Variants in CHRNA9 observed in about 807,000 individuals in gnomAD.
CHRNA9 encodes the protein neuronal acetylcholine receptor subunit alpha-9.
In CHRNA9, 24 loss-of-function variants were observed where a neutral mutation model predicts 36.8. That is an observed-to-expected ratio of 0.65 (90% confidence interval 0.47 to 0.92). The LOEUF (loss-of-function observed/expected upper bound fraction) is 0.92. Ranked by LOEUF, CHRNA9 falls within the 40% of genes least tolerant of loss-of-function variation. The pLI is 0.00. For missense variants in CHRNA9, 610 were observed against 601.2 expected (o/e 1.01, Z -0.15); for synonymous variants, 231 against 231.8 (o/e 1.00, Z 0.03).
chr4:40,354,732 G>T lies in CHRNA9; in HGVS notation c.*212G>T. On this transcript the variant is annotated 3_prime_UTR_variant, in exon 5 of 5. Coordinates refer to ENST00000310169, the MANE Select transcript of CHRNA9 (RefSeq NM_017581.4). Reference sequence around the variant, plus strand: ...CAAGGGTAGGAAGATGGAAGAAATAGGGAAAGAGCCCTTTTATAGCCCACC... The same window carrying T: ...CAAGGGTAGGAAGATGGAAGAAATATGGAAAGAGCCCTTTTATAGCCCACC... 2.0e-6 allele frequency: 1 copy of T among 510,006 alleles called. No individual in the cohort carries two copies. 31.6% of individuals were successfully genotyped at this position (510,006 alleles called of 1,614,324 possible).
chr4:40,347,320 G>A (rs1218006135), intron 3 of CHRNA9, among the ~76,000 whole-genome samples: 1 of 152,102 alleles, frequency 6.6e-6, no homozygotes, highest in Non-Finnish European at 1.5e-5. Flanking sequence ...TTTAACTTAA[G>A]GAAAGGGTCA....
chr4:40,350,722 A>ACACCCACACC (rs1553869915), intron 4 of CHRNA9, among the ~76,000 whole-genome samples: 1 of 151,480 alleles, frequency 6.6e-6, no homozygotes, highest in African/African-American at 2.4e-5. Context: ...ACACACACAC[A>ACACCCACACC]CACACCTCTC....
At chr4:40,339,505 A>AC (rs1712437745) in intron 3 of CHRNA9, among the ~76,000 whole-genome samples, 1 of 151,210 alleles carries the variant, frequency 6.6e-6, no homozygotes, top group Non-Finnish European at 1.5e-5. Context: ...ACATGGTGAA[A>AC]CCCCGTCTCT....
rs760633752 is a variant in CHRNA9, at chr4:40,348,933, T to C, written c.417T>C (p.Tyr139=). The change falls in exon 4 of 5, where the codon TAT becomes TAC. Residue 139 remains tyrosine, a synonymous_variant. Coordinates refer to ENST00000310169, the MANE Select transcript of CHRNA9 (RefSeq NM_017581.4). The part of the protein sequence containing the change: ...EPVNTNVVLR[Y]DGLITWDAPA... Reference sequence around the variant, plus strand: ...TGAACACCAATGTGGTCCTGCGGTATGATGGGCTGATCACCTGGGATGCAC... The same window carrying C: ...TGAACACCAATGTGGTCCTGCGGTACGATGGGCTGATCACCTGGGATGCAC... 44 of 1,614,080 alleles carry C rather than the reference T, an allele frequency of 2.7e-5. No individual in the cohort carries two copies. The highest frequency in any genetic ancestry group is 1.7e-6 in the Non-Finnish European group (2 of 1,180,022).
chr4:40,346,135 T>A (rs1414200386), intron 3 of CHRNA9, among the ~76,000 whole-genome samples: 1 of 152,234 alleles, frequency 6.6e-6, no homozygotes, highest in East Asian at 1.9e-4. Context: ...GGGTTGGGTT[T>A]GGCCAATGTG....
chr4:40,340,254 A>G (rs983709547), intron 3 of CHRNA9, among the ~76,000 whole-genome samples: 2 of 152,012 alleles, frequency 1.3e-5, no homozygotes. Flanking sequence ...ACACTGATTC[A>G]TCATCTCCTT....
chr4:40,346,943 T>TG (rs1340091975), intron 3 of CHRNA9, among the ~76,000 whole-genome samples: 1 of 152,080 alleles, frequency 6.6e-6, no homozygotes, highest in African/African-American at 2.4e-5. Flanking sequence ...CCCGAGTAGC[T>TG]GGGACTACAG....
intron 3 of CHRNA9, among the ~76,000 whole-genome samples, chr4:40,344,200 C>T (rs564038162): frequency 2.8e-4 from 42 of 152,282 alleles, no homozygotes; most frequent in African/African-American, 8.4e-4. Context: ...GGATTTCTGA[C>T]CTCTAGAATT....
Position 40,335,813 on chromosome 4 carries a change from C to G in CHRNA9, c.65-14C>G. On this transcript the variant is annotated splice_polypyrimidine_tract_variant and intron_variant, in intron 1 of 4. Coordinates refer to ENST00000310169, the MANE Select transcript of CHRNA9 (RefSeq NM_017581.4). ...ACACTCTGAATGTTAATCCAGATCC[C>G]TCTTGTTGAGTAGCTGCAGAGACGG... 6.2e-7 allele frequency: 1 copy of G among 1,609,688 alleles called. No individual in the cohort carries two copies. Among genetic ancestry groups the G allele is most frequent in the Non-Finnish European group, 8.5e-7 (1 of 1,177,058 alleles).
At chr4:40,348,102 TG>T (rs1712685085) in intron 3 of CHRNA9, 2 of 152,270 alleles carry the variant, frequency 1.3e-5, no homozygotes, top group African/African-American at 2.4e-5. Context: ...GTGATGCTTT[TG>T]GTCTCTGGAT....
At position 40,349,039 on chromosome 4, in the gene CHRNA9, T is replaced by A. The variant is rs1712718349; in HGVS notation, c.523T>A (p.Ser175Thr). ...CCAGCAGTGCAACCTGACTTTTGGT[T>A]CCTGGACCTACAATGGCAATCAGGT... ...DNQQCNLTFGSWTYNGNQVDI... is the reference protein window; with the variant it reads ...DNQQCNLTFGTWTYNGNQVDI... Residue 175 changes from serine to threonine, a missense_variant, in exon 4 of 5, where the codon TCC (serine) becomes ACC (threonine). Ser to Thr is a moderately conservative substitution (Grantham distance 58). Transcript: ENST00000310169. The A allele has an allele frequency of 1.2e-6, 2 of 1,614,080 alleles. No individual in the cohort carries two copies. Among genetic ancestry groups the A allele is most frequent in the Non-Finnish European group, 1.7e-6 (2 of 1,180,040 alleles).
chr4:40,337,075 G>T lies in CHRNA9; in HGVS notation c.211-135G>T, dbSNP rs1712343871. On this transcript the variant is annotated intron_variant, in intron 2 of 4. Coordinates refer to ENST00000310169, the MANE Select transcript of CHRNA9 (RefSeq NM_017581.4). Reference sequence around the variant, plus strand: ...CAATCAAGGGGATAGAATAAATAAAGAATAAAGCTCTCACTTTACTTATTG... The same window carrying T: ...CAATCAAGGGGATAGAATAAATAAATAATAAAGCTCTCACTTTACTTATTG... 5.8e-5 allele frequency: 44 copies of T among 763,070 alleles called. No homozygotes were observed. In the South Asian group the frequency reaches 8.2e-4, roughly 14 times the overall value. 47.3% of individuals were successfully genotyped at this position (763,070 alleles called of 1,614,324 possible). A position where few individuals can be genotyped will look rare whatever the true frequency, so the allele number is the denominator to read the frequency against.
At position 40,337,317 on chromosome 4, in the gene CHRNA9, G is replaced by A. The variant is rs773146638; in HGVS notation, c.318G>A (p.Arg106=). 2 of 1,614,220 alleles carry A rather than the reference G, an allele frequency of 1.2e-6. No homozygotes were observed. Among genetic ancestry groups the A allele is most frequent in the Admixed American group, 1.7e-5 (1 of 60,024 alleles). ...RDQYDGLDSI[R]IPSDLVWRPD... is the part of the protein sequence containing the mutation. ...AGTACGATGGCCTAGACTCCATCAG[G>A]ATCCCCAGTGACCTCGTGTGGAGGC... The change falls in exon 3 of 5, where the codon AGG becomes AGA. Residue 106 remains arginine (R), a synonymous_variant. Transcript: ENST00000310169.
chr4:40,344,846 A>G (rs1004688791), intron 3 of CHRNA9, among the ~76,000 whole-genome samples: 6 of 152,380 alleles, frequency 3.9e-5, no homozygotes, highest in South Asian at 2.1e-4. Context: ...CAAGTCCCTT[A>G]TAACACAGAA....
At chr4:40,349,657 G>C (rs1045112850) in intron 4 of CHRNA9, 3 of 446,678 alleles carry the variant, frequency 6.7e-6, no homozygotes, top group Non-Finnish European at 1.2e-5. Context: ...TTATACTTTA[G>C]AGCAGTAGTT....
intron 3 of CHRNA9, among the ~76,000 whole-genome samples, chr4:40,338,853 T>TCC (rs1712404216): frequency 1.2e-5 from 1 of 82,480 alleles, no homozygotes; most frequent in African/African-American, 6.5e-5. Flanking sequence ...TCTGTCTCTG[T>TCC]CTCTCTCTCT....
chr4:40,349,240 G>T lies in CHRNA9; in HGVS notation c.724G>T (p.Val242Phe). The T allele has an allele frequency of 6.2e-7, 1 of 1,614,064 alleles. No individual in the cohort carries two copies. The highest frequency in any genetic ancestry group is 8.5e-7 in the Non-Finnish European group (1 of 1,180,008). Residue 242 changes from valine to phenylalanine, a missense_variant, in exon 4 of 5, where the codon GTC becomes TTC. Coordinates refer to ENST00000310169, the MANE Select transcript of CHRNA9 (RefSeq NM_017581.4). ...LLKRRSSFYI[V>F]NLLIPCVLIS... The stretch of plus-strand genomic sequence containing the variant: ...GAAGAGGAGGTCCTCGTTCTATATC[G>T]TCAACCTCCTCATCCCATGCGTCCT...
intron 4 of CHRNA9, among the ~76,000 whole-genome samples, chr4:40,351,343 A>AT: frequency 1.3e-5 from 2 of 150,236 alleles, no homozygotes; most frequent in Non-Finnish European, 3.0e-5. Context: ...AAAAAAAAAA[A>AT]TTGAAAAAAA....
intron 3 of CHRNA9, among the ~76,000 whole-genome samples, chr4:40,340,046 T>G (rs545180925): frequency 2.0e-5 from 3 of 152,288 alleles, no homozygotes; most frequent in Admixed American, 6.5e-5. Flanking sequence ...TTTGATAGGC[T>G]GAGGTGGTGA....
Sources: allele counts gnomAD v4.1 joint callset (sites outside exome capture counted in the v4.1 genomes callset), GRCh38; gene constraint gnomAD v4.1.1; transcripts MANE v1.5; gene names NCBI Gene and HGNC (gene_info 2026-07-23, HGNC 2026-07-21).